BUB1B: variants seen among roughly 807,000 people sequenced by gnomAD.
BUB1B encodes the protein BUB1 mitotic checkpoint serine/threonine kinase B.
BUB1B carries 86 observed loss-of-function variants against 137.7 expected under a neutral mutation model. That is an observed-to-expected ratio of 0.62 (90% CI 0.52 to 0.75). The LOEUF (loss-of-function observed/expected upper bound fraction) is 0.75. Among genes scored for constraint, BUB1B ranks in the 30% least tolerant of loss-of-function variants. The pLI is 0.00. For synonymous variants in BUB1B, 420 were observed against 417.9 expected (o/e 1.00, Z -0.06); for missense variants, 1,130 against 1,236.9 (o/e 0.91, Z 1.30).
At chr15:40,201,015 C>A (rs535403593) in intron 12 of BUB1B, 35 bp downstream of exon 12, 2 of 1,585,788 alleles carry the variant, frequency 1.3e-6, no homozygotes, top group Non-Finnish European at 1.7e-6. Flanking sequence ...GAAGAACTTG[C>A]TGATAACAAA....
intron 2 of BUB1B, among the ~76,000 whole-genome samples, chr15:40,169,805 G>A (rs555526790): frequency 1.6e-4 from 24 of 151,824 alleles, no homozygotes; most frequent in African/African-American, 5.3e-4. Context: ...TAGAGATGAG[G>A]TTTCACCATG....
At chr15:40,187,743 C>T (rs2037385437) in intron 8 of BUB1B, among the ~76,000 whole-genome samples, 1 of 151,630 alleles carries the variant, frequency 6.6e-6, no homozygotes, top group Non-Finnish European at 1.5e-5. Flanking sequence ...ACCCTGTCTC[C>T]ACAAAAAATT....
In BUB1B at chr15:40,200,196, A is replaced by G. The variant is rs748095520; in HGVS notation, c.1402-48A>G. 16 of 1,337,664 alleles carry G rather than the reference A, an allele frequency of 1.2e-5. No individual in the cohort carries two copies. In the South Asian group the frequency reaches 1.9e-4, roughly 16 times the overall value. The allele number at this position is 1,337,664 out of a possible 1,614,324, so 82.9% of individuals were successfully genotyped here. On this transcript the variant is annotated intron_variant, in intron 10 of 22. Transcript: ENST00000287598. ...GCTAATGTTAGAACTAGAAAATAGCATTTTCTGGATGGGAGGGACATTGAT... is the reference window on the plus strand; with the variant it reads ...GCTAATGTTAGAACTAGAAAATAGCGTTTTCTGGATGGGAGGGACATTGAT...
At chr15:40,180,636 CTTTTTCTTTTTTTT>C (rs2037278414) in intron 5 of BUB1B, among the ~76,000 whole-genome samples, 1 of 120,678 alleles carries the variant, frequency 8.3e-6, no homozygotes, top group Non-Finnish European at 1.7e-5. Context: ...TTTCTTTTTT[CTTTTTCTTTTTTTT>C]TTTTTTTTTT....
At chr15:40,218,291 G>GA (rs2037829388) in intron 21 of BUB1B, among the ~76,000 whole-genome samples, 165 bp from the exon 22 acceptor site, 1 of 152,148 alleles carries the variant, frequency 6.6e-6, no homozygotes, top group Non-Finnish European at 1.5e-5. Context: ...CACTTCTTTG[G>GA]AGAGCTTCTC....
intron 2 of BUB1B, among the ~76,000 whole-genome samples, chr15:40,169,116 T>C (rs184055943): frequency 5.3e-4 from 81 of 152,336 alleles, no homozygotes; most frequent in African/African-American, 1.9e-3. Flanking sequence ...AATTCTGGCT[T>C]ATTACCTAAT....
chr15:40,209,849 A>T (rs1035285148), intron 17 of BUB1B, 74 bp downstream of exon 17: 4 of 1,563,084 alleles, frequency 2.6e-6, no homozygotes, highest in Non-Finnish European at 3.5e-6. Flanking sequence ...CTTAAGCTTG[A>T]TGCTTGAGCA....
intron 17 of BUB1B, 101 bp downstream of exon 17, chr15:40,209,876 A>G (rs1283400422): frequency 2.0e-6 from 3 of 1,487,920 alleles, no homozygotes; most frequent in East Asian, 4.6e-5. Flanking sequence ...ATATTCCTAG[A>G]TTGTATTTTT....
Position 40,220,561 on chromosome 15 carries a change from T to C in BUB1B, c.2958-3T>C. 1 of 1,614,108 alleles carries C rather than the reference T, an allele frequency of 6.2e-7. No homozygotes were observed. On this transcript the variant is annotated splice_region_variant and splice_polypyrimidine_tract_variant and intron_variant, in intron 22 of 22. Coordinates refer to ENST00000287598, the MANE Select transcript of BUB1B (RefSeq NM_001211.6). ...TGATGGAAATGGTTTTATATATTTT[T>C]AGGCTAAAAGATGGTGAATTGTGGA...
intron 5 of BUB1B, among the ~76,000 whole-genome samples, chr15:40,180,315 T>C (rs2037272696): frequency 7.1e-6 from 1 of 140,538 alleles, no homozygotes; most frequent in East Asian, 2.0e-4. Context: ...GTGCAATGGA[T>C]GGCACGATTT....
chr15:40,181,636 A>G (rs907075692), intron 5 of BUB1B, among the ~76,000 whole-genome samples: 9 of 151,870 alleles, frequency 5.9e-5, no homozygotes, highest in Admixed American at 5.9e-4. Context: ...TAGGTCCCTG[A>G]AGCTCTGTTT....
intron 22 of BUB1B, among the ~76,000 whole-genome samples, chr15:40,219,715 G>A (rs193021103): frequency 2.2e-3 from 173 of 80,290 alleles, no homozygotes; most frequent in Non-Finnish European, 3.6e-3. Context: ...GTGAGACTCC[G>A]TCTCAAAAAA....
Position 40,221,002 on chromosome 15 carries a change from G to T in BUB1B, c.*243G>T. ...ATTCTAAACAGACTCATTACAAATG[G>T]TTACCTTGTTATTTAACCCATTTGT... On this transcript the variant is annotated 3_prime_UTR_variant, in exon 23 of 23. Transcript: ENST00000287598. 1 of 526,554 alleles carries T rather than the reference G, an allele frequency of 1.9e-6. No homozygotes were observed. Among genetic ancestry groups the T allele is most frequent in the Admixed American group, 3.4e-5 (1 of 29,800 alleles). 32.6% of individuals were successfully genotyped at this position (526,554 alleles called of 1,614,324 possible). A position where few individuals can be genotyped will look rare whatever the true frequency, so the allele number is the denominator to read the frequency against.
intron 22 of BUB1B, 127 bp downstream of exon 22, chr15:40,218,689 GT>G (rs1265302745): frequency 8.0e-6 from 6 of 745,860 alleles, no homozygotes; most frequent in Non-Finnish European, 7.1e-6. Context: ...GTTTCAGCCA[GT>G]TTTCATTAGA....
intron 16 of BUB1B, among the ~76,000 whole-genome samples, chr15:40,209,056 G>A (rs1046719807): frequency 1.3e-5 from 2 of 151,880 alleles, no homozygotes; most frequent in East Asian, 2.0e-4. Flanking sequence ...GGATCCTCCC[G>A]CCTCAGCCTC....
rs141013408 is a variant in BUB1B, at chr15:40,199,697, A to C, written c.1371A>C (p.Gln457His). 6.2e-7 allele frequency: 1 copy of C among 1,613,790 alleles called. No homozygotes were observed. The highest frequency in any genetic ancestry group is 8.5e-7 in the Non-Finnish European group (1 of 1,179,842). Reference protein sequence around the residue: ...EEMEKKLKEIQTTQQERTGDQ... With the variant: ...EEMEKKLKEIHTTQQERTGDQ... Reference sequence around the variant, plus strand: ...TGGAGAAGAAGCTAAAAGAAATCCAAACTACTCAGCAAGAAAGAACAGGTG... The same window carrying C: ...TGGAGAAGAAGCTAAAAGAAATCCACACTACTCAGCAAGAAAGAACAGGTG... The change falls in exon 10 of 23, where the codon CAA (glutamine) becomes CAC (histidine). Residue 457 changes from glutamine to histidine, a missense_variant. Coordinates refer to ENST00000287598, the MANE Select transcript of BUB1B (RefSeq NM_001211.6).
At position 40,217,618 on chromosome 15, in the gene BUB1B, A is replaced by G. The variant is rs781299320; in HGVS notation, c.2801A>G (p.Gln934Arg). ...VFTLSGFRTV[Q>R]ILEGQKILAN... Reference sequence around the variant, plus strand: ...ACCCTCAGCGGCTTTCGGACTGTACAGATCCTGGAAGGACAAAAGATCCTG... The same window carrying G: ...ACCCTCAGCGGCTTTCGGACTGTACGGATCCTGGAAGGACAAAAGATCCTG... The change falls in exon 21 of 23, where the codon CAG (glutamine) becomes CGG (arginine). Residue 934 changes from glutamine to arginine, a missense_variant. Transcript: ENST00000287598. 9 of 1,614,108 alleles carry G rather than the reference A, an allele frequency of 5.6e-6. No homozygotes were observed. Among genetic ancestry groups the G allele is most frequent in the Admixed American group, 1.7e-5 (1 of 60,006 alleles).
chr15:40,200,201 C>T (rs1304256679), intron 10 of BUB1B, 43 bp from the exon 11 acceptor site: 2 of 1,382,248 alleles, frequency 1.4e-6, no homozygotes, highest in Non-Finnish European at 2.0e-6. Flanking sequence ...ATAGCATTTT[C>T]TGGATGGGAG....
chr15:40,209,842 A>C (rs2037688150), intron 17 of BUB1B, 67 bp downstream of exon 17: 3 of 1,578,668 alleles, frequency 1.9e-6, no homozygotes. Flanking sequence ...ATTTGTACTT[A>C]AGCTTGATGC....
Sources: gnomAD v4.1 joint callset for allele counts (sites outside exome capture counted in the v4.1 genomes callset) on GRCh38, gnomAD v4.1.1 for gene constraint, MANE v1.5 for transcripts, NCBI Gene and HGNC (gene_info 2026-07-23, HGNC 2026-07-21) for gene names.